Variants in SORCS1 observed in about 807,000 individuals in gnomAD.
SORCS1 encodes sortilin related VPS10 domain containing receptor 1.
Under a neutral mutation model 146.1 loss-of-function variants are expected in SORCS1, and 60 were observed. The observed-to-expected ratio is 0.41, with a 90% confidence interval of 0.33 to 0.51. SORCS1 has a LOEUF of 0.51. Among genes scored for constraint, SORCS1 ranks in the 20% least tolerant of loss-of-function variants. The pLI is 0.21. For synonymous variants in SORCS1, 637 were observed against 584.0 expected, an observed-to-expected ratio of 1.09 and a Z score of -1.31; for missense variants, 1,352 against 1,487.6, an observed-to-expected ratio of 0.91 and a Z score of 1.50.
chr10:106,814,710 C>G (rs376820731), intron 3 of SORCS1, among the ~76,000 whole-genome samples: 1 of 151,834 alleles, frequency 6.6e-6, no homozygotes, highest in Non-Finnish European at 1.5e-5. Flanking sequence ...GTCAGGAGAT[C>G]GAGACCATCC....
At chr10:106,658,500 A>G (rs970530994) in intron 17 of SORCS1, among the ~76,000 whole-genome samples, 3 of 152,172 alleles carry the variant, frequency 2.0e-5, no homozygotes, top group Non-Finnish European at 4.4e-5. Flanking sequence ...AAAAGCATAA[A>G]TAGTTTAATT....
chr10:106,666,669 G>A (rs1391546016), intron 17 of SORCS1, among the ~76,000 whole-genome samples: 1 of 149,494 alleles, frequency 6.7e-6, no homozygotes, highest in Admixed American at 6.8e-5. Context: ...TGATTTTCCT[G>A]CCTCAGCCTC....
At chr10:106,908,116 A>T (rs1246232613) in intron 2 of SORCS1, among the ~76,000 whole-genome samples, 1 of 152,078 alleles carries the variant, frequency 6.6e-6, no homozygotes, top group Non-Finnish European at 1.5e-5. Flanking sequence ...CATTTCTTAT[A>T]TGTATGTATT....
chr10:106,897,085 G>T (rs1363371727), intron 2 of SORCS1, among the ~76,000 whole-genome samples: 1 of 151,900 alleles, frequency 6.6e-6, no homozygotes. Context: ...AGTAGAGACG[G>T]GGTTTCACTG....
At chr10:106,902,584 C>G (rs1050346011) in intron 2 of SORCS1, among the ~76,000 whole-genome samples, 1 of 152,016 alleles carries the variant, frequency 6.6e-6, no homozygotes, top group Non-Finnish European at 1.5e-5. Context: ...ATTAATAAAT[C>G]AAGATAAAAG....
intron 2 of SORCS1, among the ~76,000 whole-genome samples, chr10:106,920,805 T>C (rs1031981110): frequency 6.6e-6 from 1 of 152,182 alleles, no homozygotes; most frequent in Non-Finnish European, 1.5e-5. Flanking sequence ...CTTGTGGTCT[T>C]ATGACCTGGA....
intron 1 of SORCS1, among the ~76,000 whole-genome samples, chr10:107,016,511 G>GAA (rs200071132): frequency 1.4e-5 from 2 of 147,422 alleles, no homozygotes; most frequent in African/African-American, 5.0e-5. Flanking sequence ...TCTCAAAAAA[G>GAA]AAAAAAAAAA....
chr10:106,597,378 G>A lies in SORCS1; in HGVS notation c.3238C>T (p.Leu1080Phe), dbSNP rs147754225. Residue 1080 changes from leucine (L) to phenylalanine (F), a missense_variant, in exon 24 of 26, where the codon CTT (leucine) becomes TTT (phenylalanine). This residue lies in a region of SORCS1 where 214 missense variants were observed against 204.8 expected (regional missense o/e 1.05). Coordinates refer to ENST00000263054, the MANE Select transcript of SORCS1 (RefSeq NM_052918.5). ...HFELKPGVRV[L>F]VHAAHLTAAP... ...GCTGTTAAGTGAGCAGCATGGACAAGGACTCGGACTCCTGGCTTCAGCTCG... is the reference window on the plus strand; with the variant it reads ...GCTGTTAAGTGAGCAGCATGGACAAAGACTCGGACTCCTGGCTTCAGCTCG... The A allele has an allele frequency of 2.9e-5, 46 of 1,613,900 alleles. No homozygotes were observed. The highest frequency in any genetic ancestry group is 3.8e-5 in the Non-Finnish European group (45 of 1,179,918).
At chr10:106,894,335 G>A (rs1413740341) in intron 2 of SORCS1, among the ~76,000 whole-genome samples, 1 of 151,412 alleles carries the variant, frequency 6.6e-6, no homozygotes, top group African/African-American at 2.4e-5. Context: ...CCTCTGTGGT[G>A]CAGATAAGGG....
In SORCS1 at chr10:106,714,732, T is replaced by C. The variant is rs1564889457; in HGVS notation, c.1025-5391A>G. The stretch of plus-strand genomic sequence containing the variant: ...CACTAATGTGAAAGAGTTGGCAATC[T>C]TTACAACAAATCCCTAGTCCAGCCC... On this transcript the variant is annotated intron_variant, in intron 6 of 25. Transcript: ENST00000263054. Among the ~76,000 whole-genome samples, 4 of 152,298 alleles carry C rather than the reference T, an allele frequency of 2.6e-5. No individual in the cohort carries two copies. In the South Asian group the frequency reaches 8.3e-4, roughly 32 times the overall value.
intron 1 of SORCS1, among the ~76,000 whole-genome samples, chr10:107,133,834 C>A (rs1221376266): frequency 6.6e-6 from 1 of 152,162 alleles, no homozygotes; most frequent in Non-Finnish European, 1.5e-5. Flanking sequence ...TCCAACAGAT[C>A]CCCAGCTTTC....
intron 1 of SORCS1, among the ~76,000 whole-genome samples, chr10:107,112,545 A>G (rs1362611961): frequency 6.6e-6 from 1 of 152,184 alleles, no homozygotes; most frequent in East Asian, 1.9e-4. Flanking sequence ...ATCTATCAAC[A>G]ATAACTTTAA....
rs1239308064 is a variant in SORCS1 at position 107,164,511 on chromosome 10, C to T, written c.16G>A (p.Ala6Thr). 3 of 1,345,456 alleles carry T rather than the reference C, an allele frequency of 2.2e-6. No individual in the cohort carries two copies. The highest frequency in any genetic ancestry group is 2.7e-4 in the Middle Eastern group (1 of 3,650). The allele number at this position is 1,345,456 out of a possible 1,614,324, so 83.3% of individuals were successfully genotyped here. Residue 6 changes from alanine to threonine, a missense_variant, in exon 1 of 26, where the codon GCC becomes ACC. Coordinates refer to ENST00000263054, the MANE Select transcript of SORCS1 (RefSeq NM_052918.5). This position sits in a 1 kb window ranked among gnomAD's most constrained non-coding sequence, Gnocchi z 6.8. MGKVG[A>T]GGGSQARLSA... ...AGCCGGGCTTGGGAGCCGCCGCCGG[C>T]GCCAACTTTTCCCATCGCGGGAGCG...
chr10:107,157,092 C>G (rs1365849244), intron 1 of SORCS1, among the ~76,000 whole-genome samples: 1 of 152,246 alleles, frequency 6.6e-6, no homozygotes, highest in Non-Finnish European at 1.5e-5. Context: ...CCAATATTCA[C>G]TCTTCTTCCC....
At chr10:106,683,317 C>G (rs1433267615) in intron 10 of SORCS1, among the ~76,000 whole-genome samples, 1 of 152,156 alleles carries the variant, frequency 6.6e-6, no homozygotes. Context: ...ACATTGTACC[C>G]TTTGACCAAT....
At chr10:106,755,137 A>G (rs146523241) in intron 5 of SORCS1, among the ~76,000 whole-genome samples, 2 of 152,346 alleles carry the variant, frequency 1.3e-5, no homozygotes, top group East Asian at 3.9e-4. Context: ...TATTTAAGGC[A>G]TTTGGATACC....
At chr10:106,987,802 G>A (rs568562041) in intron 1 of SORCS1, among the ~76,000 whole-genome samples, 12 of 152,060 alleles carry the variant, frequency 7.9e-5, no homozygotes, top group African/African-American at 2.4e-4. Flanking sequence ...TAACAACCCT[G>A]TCTTTTTCAA....
At chr10:106,863,563 A>G (rs1447395320) in intron 2 of SORCS1, among the ~76,000 whole-genome samples, 2 of 150,988 alleles carry the variant, frequency 1.3e-5, no homozygotes, top group Admixed American at 6.6e-5. Flanking sequence ...AATGCATTCC[A>G]GCATCCCTCA....
At chr10:106,966,265 G>C (rs1955490980) in intron 1 of SORCS1, among the ~76,000 whole-genome samples, 1 of 150,078 alleles carries the variant, frequency 6.7e-6, no homozygotes, top group African/African-American at 2.5e-5. Flanking sequence ...AAATACATAT[G>C]CACGCACACA....
Sources: allele counts gnomAD v4.1 joint callset (sites outside exome capture counted in the v4.1 genomes callset), GRCh38; gene constraint gnomAD v4.1.1; regional missense constraint gnomAD v4.1.1; non-coding constraint Gnocchi (gnomAD v3.1); transcripts MANE v1.5; gene names NCBI Gene and HGNC (gene_info 2026-07-23, HGNC 2026-07-21).